HMGN5: variants seen among roughly 807,000 people sequenced by gnomAD.
HMGN5 encodes high mobility group nucleosome binding domain 5, also known as high mobility group nucleosome-binding domain-containing protein 5.
Under a neutral mutation model 9.5 loss-of-function variants are expected in HMGN5, and 4 were observed. The observed-to-expected ratio is 0.42, with a 90% CI of 0.21 to 0.96. HMGN5 has a LOEUF of 0.96. HMGN5 is among the 40% of genes least tolerant of loss of function. HMGN5 has a pLI of 0.30. For synonymous variants in HMGN5, 55 were observed against 57.1 expected (o/e 0.96, Z 0.16); for missense variants, 192 against 187.5 (o/e 1.02, Z -0.14).
chrX:81,115,123 A>G lies in HMGN5; in HGVS notation c.375T>C (p.Asn125=). The change falls in exon 7 of 7, where the codon AAT becomes AAC. Residue 125 remains asparagine (N), a synonymous_variant. Transcript: ENST00000358130. ...CATCTTCTTTCTGATCTTCTTCTTC[A>G]TTTTTTACTTCTGCTGCCACTGCTT... is the stretch of plus-strand genomic sequence containing the variant. ...KKEAVAAEVK[N]EEEDQKEDEE... The G allele has an allele frequency of 8.7e-7, 1 of 1,143,372 alleles. No individual in the cohort carries two copies. Among genetic ancestry groups the G allele is most frequent in the Non-Finnish European group, 1.2e-6 (1 of 862,036 alleles). 94.2% of individuals were successfully genotyped at this position (1,143,372 alleles called of 1,213,427 possible). A position where few individuals can be genotyped will look rare whatever the true frequency, so the allele number is the denominator to read the frequency against.
At position 81,115,224 on chromosome X, in the gene HMGN5, C is replaced by A; in HGVS notation, c.274G>T (p.Ala92Ser). ...NGEAKITEAP[A>S]SEKEIVEVKE... ...ACTTCCACAATTTCTTTTTCAGAAG[C>A]TGGTGCCTGTAAGTATAGTGAAAAG... is the stretch of plus-strand genomic sequence containing the variant. The change falls in exon 7 of 7, where the codon GCT (alanine) becomes TCT (serine). Residue 92 changes from alanine to serine, a missense_variant. Transcript: ENST00000358130. 8.5e-7 allele frequency: 1 copy of A among 1,172,580 alleles called. No homozygotes were observed.
chrX:81,146,372 C>T (rs890526364), intron 1 of HMGN5, among the ~76,000 whole-genome samples: 1 of 111,440 alleles, frequency 9.0e-6, no homozygotes, highest in African/African-American at 3.3e-5. Context: ...TACATGGAAA[C>T]GGAACAACCA....
intron 1 of HMGN5, among the ~76,000 whole-genome samples, chrX:81,158,275 A>G (rs2075388795): frequency 8.9e-6 from 1 of 112,167 alleles, no homozygotes; most frequent in African/African-American, 3.2e-5. Context: ...GAACTAATTC[A>G]CATTCCCACC....
intron 1 of HMGN5, among the ~76,000 whole-genome samples, chrX:81,157,484 T>C (rs2075386211): frequency 9.0e-6 from 1 of 111,621 alleles, no homozygotes; most frequent in South Asian, 3.8e-4. Context: ...TTTCCTTGAA[T>C]GTCATGGTTA....
chrX:81,196,358 G>C (rs2075508116), intron 1 of HMGN5, among the ~76,000 whole-genome samples: 1 of 108,286 alleles, frequency 9.2e-6, no homozygotes, highest in Admixed American at 9.8e-5. Flanking sequence ...CTTTGGAAAC[G>C]GGAAGATTTG....
chrX:81,186,084 G>A (rs1168288433), intron 1 of HMGN5, among the ~76,000 whole-genome samples: 1 of 111,075 alleles, frequency 9.0e-6, no homozygotes, highest in Non-Finnish European at 1.9e-5. Flanking sequence ...CTCCTTTTTT[G>A]ATGTGTCTTT....
rs183038596 is a variant in HMGN5, at chrX:81,177,354, A to G, written c.-124+24383T>C. ...TAAAGGGATGGAGGAAGATCTACCA[A>G]GCAAATGGAAAGCAAAAAAAAAAAA... On this transcript the variant is annotated intron_variant, in intron 1 of 6. Coordinates refer to ENST00000358130, the MANE Select transcript of HMGN5 (RefSeq NM_030763.3). 6.6e-5 allele frequency among the ~76,000 whole-genome samples: 6 copies of G among 90,264 alleles called. No individual in the cohort carries two copies. The East Asian group carries it at 2.0e-3, about 31-fold the overall frequency. The allele number at this position is 90,264 out of a possible 115,157, so 78.4% of individuals were successfully genotyped here. A position where few individuals can be genotyped will look rare whatever the true frequency, so the allele number is the denominator to read the frequency against.
intron 1 of HMGN5, among the ~76,000 whole-genome samples, chrX:81,178,232 G>C (rs1365313072): frequency 9.0e-6 from 1 of 111,248 alleles, no homozygotes; most frequent in African/African-American, 3.3e-5. Context: ...AATGGAAAGA[G>C]ATAGAGACAC....
At chrX:81,137,879 T>C (rs1384497024) in intron 1 of HMGN5, among the ~76,000 whole-genome samples, 2 of 111,505 alleles carry the variant, frequency 1.8e-5, no homozygotes, top group Non-Finnish European at 1.9e-5. Context: ...ACTACAGATC[T>C]TGCAGTTAAT....
rs147913862 is a variant in HMGN5 at position 81,158,032 on chromosome X, G to A, written c.-123-36360C>T. On this transcript the variant is annotated intron_variant, in intron 1 of 6. Coordinates refer to ENST00000358130, the MANE Select transcript of HMGN5 (RefSeq NM_030763.3). ...CCTGACCTTGTGATCTGCCTGCCTC[G>A]GCCTCCCAAAGTGCTGGGATTACAG... Among the ~76,000 whole-genome samples the A allele has an allele frequency of 1.7e-3, 189 of 110,814 alleles. 6 individuals carry two copies. The East Asian group carries it at 0.051, about 30-fold the overall frequency.
chrX:81,148,893 G>C (rs927098942), intron 1 of HMGN5, among the ~76,000 whole-genome samples: 1 of 112,091 alleles, frequency 8.9e-6, no homozygotes, highest in Non-Finnish European at 1.9e-5. Flanking sequence ...ATCATCACTG[G>C]TCATGAGAGA....
At chrX:81,162,625 C>T (rs1177575396) in intron 1 of HMGN5, among the ~76,000 whole-genome samples, 4 of 111,286 alleles carry the variant, frequency 3.6e-5, no homozygotes, top group Non-Finnish European at 7.5e-5. Context: ...TAGGCCTGGC[C>T]CCATAATTTT....
At chrX:81,171,543 G>A (rs1375913947) in intron 1 of HMGN5, among the ~76,000 whole-genome samples, 1 of 111,127 alleles carries the variant, frequency 9.0e-6, no homozygotes, top group Non-Finnish European at 1.9e-5. Flanking sequence ...TGAATCACAT[G>A]TTTATGAATA....
intron 1 of HMGN5, among the ~76,000 whole-genome samples, chrX:81,133,774 C>T (rs1488503580): frequency 3.6e-5 from 4 of 110,517 alleles, no homozygotes; most frequent in Non-Finnish European, 5.7e-5. Context: ...GCTTAATACC[C>T]GTGTGATAAA....
At chrX:81,176,178 G>A (rs966700368) in intron 1 of HMGN5, among the ~76,000 whole-genome samples, 5 of 111,787 alleles carry the variant, frequency 4.5e-5, no homozygotes, top group Non-Finnish European at 9.4e-5. Context: ...CAACAGACCT[G>A]CAGCAGAGGG....
chrX:81,159,644 A>G (rs992757914), intron 1 of HMGN5, among the ~76,000 whole-genome samples: 1 of 109,851 alleles, frequency 9.1e-6, no homozygotes, highest in Non-Finnish European at 1.9e-5. Flanking sequence ...TTTTAGGATA[A>G]TTTTGTCTCT....
chrX:81,144,747 C>A (rs1368681602), intron 1 of HMGN5, among the ~76,000 whole-genome samples: 2 of 111,070 alleles, frequency 1.8e-5, no homozygotes, highest in Non-Finnish European at 3.8e-5. Flanking sequence ...AGCTAGGAAC[C>A]TTGAAAAAAG....
intron 1 of HMGN5, among the ~76,000 whole-genome samples, chrX:81,177,367 CAAAAAAAAA>C (rs148090852): frequency 8.4e-4 from 9 of 10,675 alleles, no homozygotes; most frequent in African/African-American, 2.3e-3. Context: ...AAATGGAAAG[CAAAAAAAAA>C]AAAAAAAAAA....
rs758139442 is a variant in HMGN5 at position 81,177,306 on chromosome X, T to C, written c.-124+24431A>G. Among the ~76,000 whole-genome samples, 3 of 86,926 alleles carry C rather than the reference T, an allele frequency of 3.5e-5. No individual in the cohort carries two copies. The South Asian group carries it at 1.7e-3, about 50-fold the overall frequency. The allele number at this position is 86,926 out of a possible 115,157, so 75.5% of individuals were successfully genotyped here. A position where few individuals can be genotyped will look rare whatever the true frequency, so the allele number is the denominator to read the frequency against. On this transcript the variant is annotated intron_variant, in intron 1 of 6. Coordinates refer to ENST00000358130, the MANE Select transcript of HMGN5 (RefSeq NM_030763.3). ...TTACAGACAAGCAAATGCCAAGAGA[T>C]TTTGTCACCACCAGGCTCAAAATAA...
Sources: gnomAD v4.1 joint callset for allele counts (sites outside exome capture counted in the v4.1 genomes callset) on GRCh38, gnomAD v4.1.1 for gene constraint, MANE v1.5 for transcripts, NCBI Gene and HGNC (gene_info 2026-07-23, HGNC 2026-07-21) for gene names.